The following EGFLAM variants were observed in gnomAD, a reference collection of about 807,000 sequenced individuals.
EGFLAM encodes the protein pikachurin.
In EGFLAM, 79 loss-of-function variants were observed where a neutral mutation model predicts 113.1. That is an observed-to-expected ratio of 0.70 (90% CI 0.58 to 0.84). The LOEUF (loss-of-function observed/expected upper bound fraction) is 0.84, where lower values mean the gene tolerates loss of function less well. Ranked by LOEUF, EGFLAM falls within the 40% of genes least tolerant of loss-of-function variation. The pLI is 0.00. For missense variants in EGFLAM, 1,265 were observed against 1,291.6 expected, an observed-to-expected ratio of 0.98 and a Z score of 0.32; for synonymous variants, 504 against 487.6, an observed-to-expected ratio of 1.03 and a Z score of -0.44.
Position 38,465,387 on chromosome 5 carries a change from A to G in EGFLAM, c.*1401A>G, listed in dbSNP as rs1284994461. 6.6e-6 allele frequency among the ~76,000 whole-genome samples: 1 copy of G among 152,270 alleles called. No individual in the cohort carries two copies. The highest frequency in any genetic ancestry group is 1.5e-5 in the Non-Finnish European group (1 of 68,050). On this transcript the variant is annotated 3_prime_UTR_variant, in exon 22 of 22. Transcript: ENST00000322350. ...GTCTCGACTCTACATTTGTTTGTGC[A>G]GCATTCATTCAGCAAAGACTTTTGG...
rs1742914735 is a variant in EGFLAM at position 38,451,534 on chromosome 5, A to T, written c.2687+76A>T. The T allele has an allele frequency of 5.8e-6, 9 of 1,546,686 alleles. No individual in the cohort carries two copies. The African/African-American group carries it at 1.1e-4, about 19-fold the overall frequency. On this transcript the variant is annotated intron_variant, in intron 19 of 21. Transcript: ENST00000322350. ...ATTGCAGATCATGCCAGAGTGATTC[A>T]GAAGGGAGCCAGAACACAGTCTGCT...
intron 1 of EGFLAM, 47 bp downstream of exon 1, chr5:38,258,898 C>G (rs1373608043): frequency 6.4e-7 from 1 of 1,574,114 alleles, no homozygotes; most frequent in South Asian, 1.1e-5. Flanking sequence ...AGCGCCCCTG[C>G]TGGGCTCCGG....
chr5:38,442,923 C>T (rs1742591540), intron 17 of EGFLAM, among the ~76,000 whole-genome samples: 1 of 152,220 alleles, frequency 6.6e-6, no homozygotes, highest in South Asian at 2.1e-4. Context: ...CCTAGGACAA[C>T]CAAACATTCA....
At chr5:38,416,379 CT>C (rs1293877813) in intron 11 of EGFLAM, among the ~76,000 whole-genome samples, 2 of 152,174 alleles carry the variant, frequency 1.3e-5, no homozygotes, top group Non-Finnish European at 2.9e-5. Context: ...CAGGGTATGG[CT>C]TCTGCCTGAT....
Sources: allele counts gnomAD v4.1 joint callset (sites outside exome capture counted in the v4.1 genomes callset), GRCh38; gene constraint gnomAD v4.1.1; transcripts MANE v1.5; gene names NCBI Gene and HGNC (gene_info 2026-07-23, HGNC 2026-07-21).